Variants in UNC5C observed in about 807,000 individuals in gnomAD.
The protein encoded by UNC5C is netrin receptor UNC5C.
Under a neutral mutation model 99.8 loss-of-function variants are expected in UNC5C, and 47 were observed. The ratio of observed to expected loss-of-function variants is 0.47; its 90% CI spans 0.37 to 0.60. The LOEUF is 0.60. UNC5C is among the 20% of genes least tolerant of loss of function. UNC5C has a pLI of 0.00. For synonymous variants in UNC5C, 487 were observed against 452.2 expected, an observed-to-expected ratio of 1.08 and a Z score of -0.98; for missense variants, 1,062 against 1,165.9, an observed-to-expected ratio of 0.91 and a Z score of 1.30.
chr4:95,196,479 A>G (rs899999893), intron 12 of UNC5C, among the ~76,000 whole-genome samples: 14 of 151,920 alleles, frequency 9.2e-5, no homozygotes, highest in African/African-American at 3.4e-4. Flanking sequence ...ACTGTTGCCC[A>G]TCAGCCTTGA....
intron 1 of UNC5C, among the ~76,000 whole-genome samples, chr4:95,418,861 A>G (rs1024020862): frequency 1.3e-5 from 2 of 152,058 alleles, no homozygotes; most frequent in African/African-American, 4.8e-5. Context: ...TGTGCAGCCC[A>G]AAGTCTAGGA....
chr4:95,261,865 A>C (rs917766713), intron 4 of UNC5C, among the ~76,000 whole-genome samples: 3 of 152,092 alleles, frequency 2.0e-5, no homozygotes, highest in Non-Finnish European at 4.4e-5. Context: ...CACGATGCCC[A>C]GCTAATTTTT....
At chr4:95,388,059 T>A (rs1186545262) in intron 1 of UNC5C, among the ~76,000 whole-genome samples, 1 of 152,202 alleles carries the variant, frequency 6.6e-6, no homozygotes, top group Non-Finnish European at 1.5e-5. Flanking sequence ...ATGGAAATAC[T>A]ATAAACATTA....
chr4:95,270,154 C>T (rs950512910), intron 4 of UNC5C, among the ~76,000 whole-genome samples: 1 of 152,200 alleles, frequency 6.6e-6, no homozygotes, highest in African/African-American at 2.4e-5. Context: ...AGGTATCTCA[C>T]CTTCCCTTGT....
rs1419751131 is a variant in UNC5C, at chr4:95,548,717, T to G, written c.124+17A>C. 6.2e-7 allele frequency: 1 copy of G among 1,611,390 alleles called. No individual in the cohort carries two copies. Among genetic ancestry groups the G allele is most frequent in the Non-Finnish European group, 8.5e-7 (1 of 1,178,708 alleles). ...AAGCTAAGGGAGGTGGCCGCGGAGC[T>G]TGGCGGACCCCCTTACCTTGGGCGG... On this transcript the variant is annotated intron_variant, in intron 1 of 15. Coordinates refer to ENST00000453304, the MANE Select transcript of UNC5C (RefSeq NM_003728.4).
At chr4:95,548,642 T>C in intron 1 of UNC5C, 92 bp downstream of exon 1, 1 of 1,449,004 alleles carries the variant, frequency 6.9e-7, no homozygotes, top group African/African-American at 1.4e-5. Flanking sequence ...ACGAGGCAAA[T>C]TGAGGAAGTC....
At chr4:95,229,284 C>T (rs925349024) in intron 7 of UNC5C, among the ~76,000 whole-genome samples, 1 of 152,030 alleles carries the variant, frequency 6.6e-6, no homozygotes, top group Non-Finnish European at 1.5e-5. Flanking sequence ...CCTAGCCCCC[C>T]ACCCCGACAG....
chr4:95,193,252 G>C (rs1009423282), intron 12 of UNC5C, among the ~76,000 whole-genome samples: 1 of 152,198 alleles, frequency 6.6e-6, no homozygotes, highest in African/African-American at 2.4e-5. Flanking sequence ...AGGGAAAGTC[G>C]CTGAGATCGC....
chr4:95,176,885 A>T (rs1469980577), intron 14 of UNC5C, among the ~76,000 whole-genome samples: 2 of 152,212 alleles, frequency 1.3e-5, no homozygotes, highest in Non-Finnish European at 2.9e-5. Context: ...TGTGCTAGCA[A>T]TCAGCGAGAC....
At chr4:95,187,287 A>G (rs189141877) in intron 12 of UNC5C, among the ~76,000 whole-genome samples, 131 of 152,336 alleles carry the variant, frequency 8.6e-4, no homozygotes, top group African/African-American at 2.2e-3. Context: ...CTTTCTTTCC[A>G]TATGCCCTAA....
chr4:95,527,411 G>T (rs1722526612), intron 1 of UNC5C, among the ~76,000 whole-genome samples: 1 of 152,144 alleles, frequency 6.6e-6, no homozygotes, highest in South Asian at 2.1e-4. Context: ...CTTCTGATCA[G>T]TGTGACCAAA....
At chr4:95,541,954 CTGTTGTTTCACA>C (rs1203236800) in intron 1 of UNC5C, among the ~76,000 whole-genome samples, 2 of 152,096 alleles carry the variant, frequency 1.3e-5, no homozygotes, top group African/African-American at 4.8e-5. Flanking sequence ...GAGGGAGTTT[CTGTTGTTTCACA>C]TCGTCAGTTA....
intron 14 of UNC5C, among the ~76,000 whole-genome samples, chr4:95,171,858 G>A (rs1375467572): frequency 1.3e-5 from 2 of 152,044 alleles, no homozygotes; most frequent in South Asian, 2.1e-4. Context: ...CCCACCAACA[G>A]TGTAAAAGTG....
At chr4:95,211,570 C>T (rs1320354761) in intron 10 of UNC5C, among the ~76,000 whole-genome samples, 6 of 152,168 alleles carry the variant, frequency 3.9e-5, no homozygotes, top group Admixed American at 3.3e-4. Context: ...TGGGTTTCTT[C>T]TGAGCATATT....
intron 1 of UNC5C, among the ~76,000 whole-genome samples, chr4:95,492,865 T>A (rs906260691): frequency 6.6e-6 from 1 of 151,530 alleles, no homozygotes; most frequent in Non-Finnish European, 1.5e-5. Flanking sequence ...TAGGTATTAA[T>A]CAGAGGAGTT....
rs1746139583 is a variant in UNC5C, at chr4:95,415,608, G to C, written c.125-79977C>G. ...TTACACACTATTCATAAGGTCAACTGTCTGGTTTTCGTAAGTTTGATGACT... is the reference window on the plus strand; with the variant it reads ...TTACACACTATTCATAAGGTCAACTCTCTGGTTTTCGTAAGTTTGATGACT... On this transcript the variant is annotated intron_variant, in intron 1 of 15. Transcript: ENST00000453304. 2.6e-5 allele frequency among the ~76,000 whole-genome samples: 4 copies of C among 152,282 alleles called. No individual in the cohort carries two copies. The South Asian group carries it at 6.2e-4, about 24-fold the overall frequency.
intron 1 of UNC5C, among the ~76,000 whole-genome samples, chr4:95,530,315 A>G (rs1206608448): frequency 6.6e-6 from 1 of 152,218 alleles, no homozygotes; most frequent in African/African-American, 2.4e-5. Flanking sequence ...CCAAAAATAT[A>G]TGCTAAGCAC....
chr4:95,507,387 T>C lies in UNC5C; in HGVS notation c.124+41347A>G, dbSNP rs900442193. ...ACAACATCTAAACAGTCCAAACCAA[T>C]GAGATGGTTTAACTGCCACCCCTCT... On this transcript the variant is annotated intron_variant, in intron 1 of 15. Transcript: ENST00000453304. Among the ~76,000 whole-genome samples, 10 of 152,036 alleles carry C rather than the reference T, an allele frequency of 6.6e-5. 1 individual carries two copies. The highest frequency in any genetic ancestry group is 1.3e-4 in the Non-Finnish European group (9 of 67,958).
chr4:95,456,894 A>G (rs898876611), intron 1 of UNC5C, among the ~76,000 whole-genome samples: 3 of 152,116 alleles, frequency 2.0e-5, no homozygotes, highest in African/African-American at 7.2e-5. Context: ...TATGACTATA[A>G]TTATTTTCAC....
Sources: gnomAD v4.1 joint callset for allele counts (sites outside exome capture counted in the v4.1 genomes callset) on GRCh38, gnomAD v4.1.1 for gene constraint, MANE v1.5 for transcripts, NCBI Gene and HGNC (gene_info 2026-07-23, HGNC 2026-07-21) for gene names.